Variants in CLIC4 observed in about 807,000 individuals in gnomAD.
CLIC4 encodes CLIC family member 4, also known as chloride intracellular channel protein 4.
Under a neutral mutation model 24.6 loss-of-function variants are expected in CLIC4, and 13 were observed. The ratio of observed to expected loss-of-function variants is 0.53; its 90% CI spans 0.34 to 0.84. The LOEUF (loss-of-function observed/expected upper bound fraction) is 0.84. Among genes scored for constraint, CLIC4 ranks in the 40% least tolerant of loss-of-function variants. CLIC4 has a pLI of 0.01. For missense variants in CLIC4, 227 were observed against 301.7 expected (o/e 0.75, Z 1.83); for synonymous variants, 104 against 111.3 (o/e 0.93, Z 0.41).
chr1:24,839,477 T>C (rs930974137), intron 4 of CLIC4, among the ~76,000 whole-genome samples: 17 of 151,954 alleles, frequency 1.1e-4, no homozygotes, highest in African/African-American at 3.4e-4. Flanking sequence ...TTTTTTGTAT[T>C]TTTAGTAGAG....
chr1:24,822,120 T>A (rs1397117089), intron 3 of CLIC4, among the ~76,000 whole-genome samples: 1 of 152,190 alleles, frequency 6.6e-6, no homozygotes, highest in Non-Finnish European at 1.5e-5. Context: ...TTCAAAAATC[T>A]GTGTTTCATC....
At chr1:24,839,105 T>C (rs1421557474) in intron 4 of CLIC4, among the ~76,000 whole-genome samples, 1 of 152,198 alleles carries the variant, frequency 6.6e-6, no homozygotes, top group African/African-American at 2.4e-5. Flanking sequence ...TGAATTGGTA[T>C]TTCTTAACAC....
At chr1:24,825,652 T>C (rs77817640) in intron 3 of CLIC4, among the ~76,000 whole-genome samples, 4,889 of 152,332 alleles carry the variant, frequency 0.032, 126 homozygotes, top group South Asian at 0.062. Context: ...GTCTTGAGCA[T>C]ATAGGTGTTC....
At chr1:24,805,303 G>GT (rs1452865687) in intron 2 of CLIC4, among the ~76,000 whole-genome samples, 6 of 152,116 alleles carry the variant, frequency 3.9e-5, no homozygotes, top group Non-Finnish European at 8.8e-5. Context: ...GTGACAAGGG[G>GT]TCTTGGTGTG....
chr1:24,777,771 A>G (rs1639158216), intron 1 of CLIC4: 1 of 152,208 alleles, frequency 6.6e-6, no homozygotes, highest in Non-Finnish European at 1.5e-5. Flanking sequence ...TAGTACAAAG[A>G]AAAGAATGTA....
chr1:24,803,329 A>G (rs1639510668), intron 2 of CLIC4, among the ~76,000 whole-genome samples: 2 of 152,194 alleles, frequency 1.3e-5, no homozygotes, highest in African/African-American at 2.4e-5. Flanking sequence ...AGTGGAGAAC[A>G]ATAGAACTCC....
intron 1 of CLIC4, among the ~76,000 whole-genome samples, chr1:24,762,356 A>G (rs1045883131): frequency 2.6e-5 from 4 of 152,206 alleles, no homozygotes; most frequent in Admixed American, 2.0e-4. Context: ...CCCAGGAGTT[A>G]GAGGCTACGG....
intron 1 of CLIC4, among the ~76,000 whole-genome samples, chr1:24,769,766 C>T (rs1639049627): frequency 6.6e-6 from 1 of 152,122 alleles, no homozygotes; most frequent in South Asian, 2.1e-4. Flanking sequence ...TTTCCATTAC[C>T]TCACCTCGTT....
intron 2 of CLIC4, among the ~76,000 whole-genome samples, chr1:24,802,498 C>T (rs2124139189): frequency 6.6e-6 from 1 of 152,068 alleles, no homozygotes; most frequent in Middle Eastern, 3.4e-3. Context: ...GTAGAGAGCA[C>T]TTAAAATTGA....
At chr1:24,816,092 C>G (rs1639664567) in intron 3 of CLIC4, among the ~76,000 whole-genome samples, 1 of 152,148 alleles carries the variant, frequency 6.6e-6, no homozygotes, top group African/African-American at 2.4e-5. Flanking sequence ...AGTTCTCTTG[C>G]TATTTTCAAC....
At chr1:24,823,196 T>G (rs771578882) in intron 3 of CLIC4, among the ~76,000 whole-genome samples, 2 of 152,194 alleles carry the variant, frequency 1.3e-5, no homozygotes, top group Non-Finnish European at 2.9e-5. Flanking sequence ...TGCTTAACAT[T>G]GAGAGGCTAA....
In CLIC4 at chr1:24,745,618, T is replaced by C. The variant is rs1489871510; in HGVS notation, c.65T>C (p.Phe22Ser). ...GACAAAGAGCCCCTCATCGAGCTCT[T>C]CGTCAAGGTGAGCGCTCGCCTCGCG... ...EEDKEPLIEL[F>S]VKAGSDGESI... is the part of the protein sequence containing the mutation. The change falls in exon 1 of 6, where the codon TTC (phenylalanine) becomes TCC (serine). Residue 22 changes from phenylalanine to serine, a missense_variant. By Grantham distance (155) the Phe-to-Ser change is radical. Coordinates refer to ENST00000374379, the MANE Select transcript of CLIC4 (RefSeq NM_013943.3). 1 of 1,568,284 alleles carries C rather than the reference T, an allele frequency of 6.4e-7. No individual in the cohort carries two copies. The highest frequency in any genetic ancestry group is 2.4e-5 in the East Asian group (1 of 40,878).
At position 24,819,703 on chromosome 1, in the gene CLIC4, T is replaced by G. The variant is rs554598722; in HGVS notation, c.308+5484T>G. Among the ~76,000 whole-genome samples, 45 of 151,652 alleles carry G rather than the reference T, an allele frequency of 3.0e-4. No homozygotes were observed. The East Asian group carries it at 8.4e-3, about 28-fold the overall frequency. Reference sequence around the variant, plus strand: ...ATCCACCCGCCTCGGCCTCCCAGAGTGCTGGGATTACAGGCATGAGCCACC... The same window carrying G: ...ATCCACCCGCCTCGGCCTCCCAGAGGGCTGGGATTACAGGCATGAGCCACC... On this transcript the variant is annotated intron_variant, in intron 3 of 5. Coordinates refer to ENST00000374379, the MANE Select transcript of CLIC4 (RefSeq NM_013943.3).
chr1:24,776,576 A>C (rs2124107775), intron 1 of CLIC4, among the ~76,000 whole-genome samples: 1 of 152,356 alleles, frequency 6.6e-6, no homozygotes, highest in Non-Finnish European at 1.5e-5. Context: ...TGCAAAAATA[A>C]TACAGAGTTC....
chr1:24,767,791 CT>C (rs1639020196), intron 1 of CLIC4, among the ~76,000 whole-genome samples: 1 of 151,382 alleles, frequency 6.6e-6, no homozygotes, highest in Non-Finnish European at 1.5e-5. Context: ...GACATAGGAT[CT>C]TATTGGTTCT....
rs553847050 is a variant in CLIC4 at position 24,841,002 on chromosome 1, A to G, written c.*65A>G. ...AAGAATACGCTTTTCCTAACAGGCT[A>G]CTCCTTCCTGTAGAGCAGAAATTGT... On this transcript the variant is annotated 3_prime_UTR_variant, in exon 6 of 6. Transcript: ENST00000374379. The G allele has an allele frequency of 1.4e-5, 19 of 1,371,118 alleles. No homozygotes were observed. Among genetic ancestry groups the G allele is most frequent in the Admixed American group, 2.2e-5 (1 of 44,862 alleles). The allele number at this position is 1,371,118 out of a possible 1,614,324, so 84.9% of individuals were successfully genotyped here.
At chr1:24,831,492 A>T (rs1402497500) in intron 4 of CLIC4, among the ~76,000 whole-genome samples, 1 of 152,238 alleles carries the variant, frequency 6.6e-6, no homozygotes, top group African/African-American at 2.4e-5. Flanking sequence ...CAAAACACTC[A>T]AATAGCATTT....
chr1:24,785,149 T>C (rs1016406614), intron 1 of CLIC4, among the ~76,000 whole-genome samples: 5 of 151,298 alleles, frequency 3.3e-5, no homozygotes, highest in Non-Finnish European at 5.9e-5. Flanking sequence ...ATGTGGAAGA[T>C]ATTTAGATTT....
chr1:24,827,669 A>G (rs967569452), intron 4 of CLIC4, among the ~76,000 whole-genome samples: 1 of 151,274 alleles, frequency 6.6e-6, no homozygotes, highest in East Asian at 1.9e-4. Context: ...ATTTCTCTGC[A>G]TCTTCAAGCT....
Sources: allele counts gnomAD v4.1 joint callset (sites outside exome capture counted in the v4.1 genomes callset), GRCh38; gene constraint gnomAD v4.1.1; transcripts MANE v1.5; gene names NCBI Gene and HGNC (gene_info 2026-07-23, HGNC 2026-07-21).